Variants in SLC25A39 observed in about 807,000 individuals in gnomAD.
SLC25A39 encodes mitochondrial glutathione transporter SLC25A39.
SLC25A39 carries 44 observed loss-of-function variants against 46.6 expected under a neutral mutation model. The ratio of observed to expected loss-of-function variants is 0.94; its 90% CI spans 0.74 to 1.21. The LOEUF (loss-of-function observed/expected upper bound fraction) is 1.21. Ranked by LOEUF, SLC25A39 falls within the 50% of genes most tolerant of loss-of-function variation. SLC25A39 has a pLI of 0.00. For missense variants in SLC25A39, 487 were observed against 473.0 expected, an observed-to-expected ratio of 1.03 and a Z score of -0.28; for synonymous variants, 218 against 190.6, an observed-to-expected ratio of 1.14 and a Z score of -1.19.
intron 3 of SLC25A39, 39 bp downstream of exon 3, chr17:44,323,245 C>T (rs910445449): frequency 1.9e-6 from 3 of 1,612,074 alleles, no homozygotes; most frequent in Admixed American, 3.3e-5. Flanking sequence ...TTCTTTTGCC[C>T]AGGCACCACC....
intron 4 of SLC25A39, 43 bp from the exon 5 acceptor site, chr17:44,322,595 C>A (rs1384587437): frequency 6.2e-7 from 1 of 1,604,262 alleles, no homozygotes. Context: ...GATCCTAGAA[C>A]CTTGCAGGGA....
intron 8 of SLC25A39, 55 bp from the exon 9 acceptor site, chr17:44,320,786 G>A: frequency 7.2e-7 from 1 of 1,392,834 alleles, no homozygotes. Context: ...AGTGGCCCCA[G>A]ACCGTCCACC....
Position 44,321,049 on chromosome 17 carries a change from G to A in SLC25A39, c.691+9C>T, listed in dbSNP as rs2048014171. ...TCCCTCACCCACCCCCTGCAGCTTG[G>A]GTGCCTACCTGAGAAGGGCACATCT... On this transcript the variant is annotated intron_variant, in intron 8 of 11. Coordinates refer to ENST00000377095, the MANE Select transcript of SLC25A39 (RefSeq NM_001143780.3). 6.3e-7 allele frequency: 1 copy of A among 1,578,258 alleles called. No individual in the cohort carries two copies. Among genetic ancestry groups the A allele is most frequent in the Non-Finnish European group, 8.6e-7 (1 of 1,163,732 alleles).
In SLC25A39 at chr17:44,321,445, G is replaced by A. The variant is rs750976898; in HGVS notation, c.506C>T (p.Ala169Val). 35 of 1,613,720 alleles carry A rather than the reference G, an allele frequency of 2.2e-5. No individual in the cohort carries two copies. The highest frequency in any genetic ancestry group is 3.3e-5 in the Admixed American group (2 of 59,990). The change falls in exon 7 of 12, where the codon GCG (alanine) becomes GTG (valine). Residue 169 changes from alanine to valine, a missense_variant. Ala to Val is a moderately conservative substitution (Grantham distance 64, BLOSUM62 0). Transcript: ENST00000377095. ...SDLYAPMVAG[A>V]LARLGTVTVI... Reference sequence around the variant, plus strand: ...AAGACTATGCTCACGGCGGGCCAGCGCGCCAGCCACCATGGGTGCGTAGAG... The same window carrying A: ...AAGACTATGCTCACGGCGGGCCAGCACGCCAGCCACCATGGGTGCGTAGAG...
At position 44,321,787 on chromosome 17, in the gene SLC25A39, C is replaced by A. The variant is rs373110251; in HGVS notation, c.325-20G>T. The A allele has an allele frequency of 1.2e-6, 2 of 1,605,764 alleles. No homozygotes were observed. Among genetic ancestry groups the A allele is most frequent in the African/African-American group, 2.7e-5 (2 of 74,814 alleles). Reference sequence around the variant, plus strand: ...GGCATCCTGGCCAAGCAGGCACCAGCCCAGGGGAAGAGGAGGGACACAAGT... The same window carrying A: ...GGCATCCTGGCCAAGCAGGCACCAGACCAGGGGAAGAGGAGGGACACAAGT... On this transcript the variant is annotated intron_variant, in intron 5 of 11. Coordinates refer to ENST00000377095, the MANE Select transcript of SLC25A39 (RefSeq NM_001143780.3).
chr17:44,323,164 C>A, intron 3 of SLC25A39, 120 bp downstream of exon 3: 2 of 1,213,278 alleles, frequency 1.6e-6, no homozygotes, highest in Non-Finnish European at 2.4e-6. Context: ...CTCAGGTGAT[C>A]CACCCACCTC....
At position 44,322,546 on chromosome 17, in the gene SLC25A39, G is replaced by A. The variant is rs202035139; in HGVS notation, c.197C>T (p.Ser66Phe). The A allele has an allele frequency of 1.2e-5, 20 of 1,614,082 alleles. No individual in the cohort carries two copies. In the Admixed American group the frequency reaches 3.2e-4, roughly 26 times the overall value. ...GCACTTCCCTGTGGATTGGAGAGAGGAGGGCACTGGGGAAAGGCAGGGGGC... is the reference window on the plus strand; with the variant it reads ...GCACTTCCCTGTGGATTGGAGAGAGAAGGGCACTGGGGAAAGGCAGGGGGC... ...LWSLSYTKLP[S>F]SLQSTGKCLL... Residue 66 changes from serine (S) to phenylalanine (F), a missense_variant, in exon 5 of 12, where the codon TCC (serine) becomes TTC (phenylalanine). By Grantham distance (155) the Ser-to-Phe change is radical. Transcript: ENST00000377095.
Position 44,319,808 on chromosome 17 carries a change from G to C in SLC25A39, c.*193C>G, listed in dbSNP as rs1341788540. Reference sequence around the variant, plus strand: ...GGGTAAGTGATGATCCCCACGACTGGAGCAGCAGGAAGAAGTTGTGTCTGA... The same window carrying C: ...GGGTAAGTGATGATCCCCACGACTGCAGCAGCAGGAAGAAGTTGTGTCTGA... On this transcript the variant is annotated 3_prime_UTR_variant, in exon 12 of 12. Transcript: ENST00000377095. 1 of 584,824 alleles carries C rather than the reference G, an allele frequency of 1.7e-6. No homozygotes were observed. Among genetic ancestry groups the C allele is most frequent in the Non-Finnish European group, 3.1e-6 (1 of 327,690 alleles). 36.2% of individuals were successfully genotyped at this position (584,824 alleles called of 1,614,324 possible). A position where few individuals can be genotyped will look rare whatever the true frequency, so the allele number is the denominator to read the frequency against.
At chr17:44,320,822 C>A in intron 8 of SLC25A39, 91 bp from the exon 9 acceptor site, 1 of 1,107,498 alleles carries the variant, frequency 9.0e-7, no homozygotes, top group Non-Finnish European at 1.3e-6. Flanking sequence ...TCCCTCCCAG[C>A]TGTGAGTCTT....
At chr17:44,322,625 TG>T (rs925083539) in intron 4 of SLC25A39, 73 bp from the exon 5 acceptor site, 383 of 1,581,092 alleles carry the variant, frequency 2.4e-4, no homozygotes, top group Non-Finnish European at 3.2e-4. Context: ...CCCCTATCCC[TG>T]GAAGGCCAGT....
chr17:44,322,671 G>T, intron 4 of SLC25A39, 119 bp from the exon 5 acceptor site: 3 of 1,558,166 alleles, frequency 1.9e-6, no homozygotes, highest in Non-Finnish European at 2.6e-6. Context: ...TTCTGGTGCA[G>T]GTCACAGGAC....
At chr17:44,322,934 A>G in intron 3 of SLC25A39, 82 bp from the exon 4 acceptor site, 1 of 1,456,426 alleles carries the variant, frequency 6.9e-7, no homozygotes, top group Non-Finnish European at 9.5e-7. Flanking sequence ...TTTTTATTTT[A>G]TTTTTTGAGA....
chr17:44,323,214 C>T (rs954602946), intron 3 of SLC25A39, 70 bp downstream of exon 3: 42 of 1,579,304 alleles, frequency 2.7e-5, no homozygotes, highest in Non-Finnish European at 3.0e-5. Context: ...TGAGAAACCA[C>T]GGCCAGCCTC....
In SLC25A39 at chr17:44,322,840, G is replaced by A. The variant is rs372058439; in HGVS notation, c.158C>T (p.Ser53Phe). 1.4e-5 allele frequency: 22 copies of A among 1,613,968 alleles called. No homozygotes were observed. The African/African-American group carries it at 1.6e-4, about 12-fold the overall frequency. ...RPSMASELMP[S>F]SRLWSLSYTK... is the part of the protein sequence containing the mutation. ...ATAGGAGAGGCTCCACAGTCTGGAGGAAGGCATCAGCTCTAAAATACAAGG... is the reference window on the plus strand; with the variant it reads ...ATAGGAGAGGCTCCACAGTCTGGAGAAAGGCATCAGCTCTAAAATACAAGG... The change falls in exon 4 of 12, where the codon TCC becomes TTC. Residue 53 changes from serine to phenylalanine, a missense_variant. Transcript: ENST00000377095.
intron 3 of SLC25A39, 22 bp from the exon 4 acceptor site, chr17:44,322,874 C>T (rs769150326): frequency 6.2e-7 from 1 of 1,613,792 alleles, no homozygotes; most frequent in Non-Finnish European, 8.5e-7. Flanking sequence ...GGCAGCCCCT[C>T]AAGTCAGGAG....
chr17:44,321,047 T>C lies in SLC25A39; in HGVS notation c.691+11A>G. The C allele has an allele frequency of 1.3e-6, 2 of 1,577,084 alleles. No homozygotes were observed. The highest frequency in any genetic ancestry group is 8.6e-7 in the Non-Finnish European group (1 of 1,163,114). On this transcript the variant is annotated intron_variant, in intron 8 of 11. Transcript: ENST00000377095. Reference sequence around the variant, plus strand: ...GTTCCCTCACCCACCCCCTGCAGCTTGGGTGCCTACCTGAGAAGGGCACAT... The same window carrying C: ...GTTCCCTCACCCACCCCCTGCAGCTCGGGTGCCTACCTGAGAAGGGCACAT...
intron 8 of SLC25A39, 65 bp from the exon 9 acceptor site, chr17:44,320,796 C>CT: frequency 7.9e-7 from 1 of 1,261,538 alleles, no homozygotes; most frequent in South Asian, 1.3e-5. Flanking sequence ...GACCGTCCAC[C>CT]TTTCACTGCC....
chr17:44,320,813 C>T, intron 8 of SLC25A39, 82 bp from the exon 9 acceptor site: 1 of 1,149,440 alleles, frequency 8.7e-7, no homozygotes, highest in Non-Finnish European at 1.3e-6. Context: ...TGCCACCACT[C>T]CCTCCCAGCT....
At chr17:44,323,439 A>ACCCCCCCCCCCCCCCC in intron 2 of SLC25A39, 39 bp downstream of exon 2, 4 of 257,096 alleles carry the variant, frequency 1.6e-5, no homozygotes, top group African/African-American at 1.4e-4. Flanking sequence ...GGTCTGCCCC[A>ACCCCCCCCCCCCCCCC]TCCCCACCCG....
Sources: gnomAD v4.1 joint callset for allele counts on GRCh38, gnomAD v4.1.1 for gene constraint, MANE v1.5 for transcripts, NCBI Gene and HGNC (gene_info 2026-07-23, HGNC 2026-07-21) for gene names.